TP63: variants seen among roughly 807,000 people sequenced by gnomAD.
The protein encoded by TP63 is tumor protein 63.
A neutral mutation model predicts 82.8 loss-of-function variants in TP63; 17 were observed. The ratio of observed to expected loss-of-function variants is 0.21; its 90% CI spans 0.14 to 0.31. The LOEUF (loss-of-function observed/expected upper bound fraction) is 0.31. Among genes scored for constraint, TP63 ranks in the 10% least tolerant of loss-of-function variants. The pLI is 1.00. For synonymous variants in TP63, 330 were observed against 321.7 expected, an observed-to-expected ratio of 1.03 and a Z score of -0.28; for missense variants, 648 against 895.3, an observed-to-expected ratio of 0.72 and a Z score of 3.52.
chr3:189,893,466 G>GT (rs1721223024), intron 13 of TP63, among the ~76,000 whole-genome samples: 1 of 152,236 alleles, frequency 6.6e-6, no homozygotes, highest in Non-Finnish European at 1.5e-5. Context: ...GCAGATAAAT[G>GT]TAAGTGATAT....
intron 4 of TP63, chr3:189,829,958 T>G: frequency 2.9e-6 from 1 of 349,266 alleles, no homozygotes; most frequent in Non-Finnish European, 5.9e-6. Context: ...CAATATTTTC[T>G]TAAATTGTAT....
chr3:189,878,657 G>T lies in TP63; in HGVS notation c.1349+5662G>T, dbSNP rs187905104. Among the ~76,000 whole-genome samples, 451 of 150,152 alleles carry T rather than the reference G, an allele frequency of 3.0e-3. 5 individuals are homozygous for T. Among genetic ancestry groups the T allele is most frequent in the African/African-American group, 0.01 (424 of 40,774 alleles). On this transcript the variant is annotated intron_variant, in intron 10 of 13. Transcript: ENST00000264731. ...TTGGCCAGGCTGGTCTCAAACCCCTGACGTTGTGATCCCCCCGACCTTGGC... is the reference window on the plus strand; with the variant it reads ...TTGGCCAGGCTGGTCTCAAACCCCTTACGTTGTGATCCCCCCGACCTTGGC...
chr3:189,633,837 G>A lies in TP63; in HGVS notation c.62+2260G>A, dbSNP rs77824626. 2.7e-3 allele frequency among the ~76,000 whole-genome samples: 410 copies of A among 152,222 alleles called. 3 individuals are homozygous for A. Among genetic ancestry groups the A allele is most frequent in the African/African-American group, 9.6e-3 (400 of 41,556 alleles). ...CTTACTCAGCATCTGCTCTGCGGAAGACATTGCAAATACAAAAACCAATTA... is the reference window on the plus strand; with the variant it reads ...CTTACTCAGCATCTGCTCTGCGGAAAACATTGCAAATACAAAAACCAATTA... On this transcript the variant is annotated intron_variant, in intron 1 of 13. Transcript: ENST00000264731.
chr3:189,751,481 G>A (rs1378189280), intron 3 of TP63, among the ~76,000 whole-genome samples: 1 of 152,178 alleles, frequency 6.6e-6, no homozygotes, highest in African/African-American at 2.4e-5. Flanking sequence ...TCCAGCATCT[G>A]TTGTTTCCTG....
intron 3 of TP63, among the ~76,000 whole-genome samples, chr3:189,786,366 C>T (rs1724599586): frequency 1.3e-5 from 2 of 151,446 alleles, no homozygotes; most frequent in Non-Finnish European, 2.9e-5. Flanking sequence ...GATAAGTTGA[C>T]TATGGAAAAA....
intron 3 of TP63, among the ~76,000 whole-genome samples, chr3:189,752,795 A>G (rs1721919228): frequency 6.6e-6 from 1 of 152,026 alleles, no homozygotes; most frequent in Non-Finnish European, 1.5e-5. Context: ...CATTGCTATA[A>G]GTTTTCTATT....
intron 1 of TP63, among the ~76,000 whole-genome samples, chr3:189,736,979 T>C (rs773465446): frequency 1.4e-4 from 22 of 152,118 alleles, no homozygotes; most frequent in Admixed American, 3.9e-4. Context: ...AGCTGATGTT[T>C]TCCTCCAAAT....
intron 10 of TP63, among the ~76,000 whole-genome samples, chr3:189,873,869 T>C (rs1295104150): frequency 1.3e-5 from 2 of 152,218 alleles, no homozygotes; most frequent in Non-Finnish European, 1.5e-5. Context: ...TGTAGATAAG[T>C]GTAAAATATA....
chr3:189,781,962 C>T (rs545720641), intron 3 of TP63, among the ~76,000 whole-genome samples: 4 of 151,878 alleles, frequency 2.6e-5, no homozygotes, highest in South Asian at 2.1e-4. Flanking sequence ...TATAGGATGC[C>T]GAATATATAA....
chr3:189,666,875 A>C (rs1714432211), intron 1 of TP63, among the ~76,000 whole-genome samples: 1 of 145,324 alleles, frequency 6.9e-6, no homozygotes, highest in East Asian at 2.0e-4. Context: ...ATGGGTTTAC[A>C]TGCATTTACA....
At chr3:189,687,612 G>T (rs969551419) in intron 1 of TP63, among the ~76,000 whole-genome samples, 1 of 152,144 alleles carries the variant, frequency 6.6e-6, no homozygotes, top group Non-Finnish European at 1.5e-5. Context: ...GAATTATCTA[G>T]GTTACTTAAA....
chr3:189,864,156 T>G, intron 4 of TP63, 76 bp from the exon 5 acceptor site: 1 of 1,593,190 alleles, frequency 6.3e-7, no homozygotes, highest in Non-Finnish European at 8.6e-7. Flanking sequence ...AGATTTTCAT[T>G]GTTCTGATTT....
chr3:189,719,284 C>A (rs6783042), intron 1 of TP63, among the ~76,000 whole-genome samples: 5 of 152,052 alleles, frequency 3.3e-5, no homozygotes, highest in Admixed American at 1.3e-4. Context: ...GAATCGGTAG[C>A]CTTTTTTGAA....
intron 1 of TP63, among the ~76,000 whole-genome samples, chr3:189,687,906 C>T (rs142379851): frequency 1.3e-5 from 2 of 152,100 alleles, no homozygotes. Flanking sequence ...AGTTGGAGAT[C>T]CTTTGGAAGG....
chr3:189,869,769 A>G (rs997658875), intron 9 of TP63, among the ~76,000 whole-genome samples: 7 of 150,448 alleles, frequency 4.7e-5, no homozygotes, highest in Non-Finnish European at 1.5e-5. Flanking sequence ...CTCCACTCTC[A>G]TTACCTAAAT....
the TP63 span, among the ~76,000 whole-genome samples, chr3:189,624,512 A>G: frequency 6.6e-6 from 1 of 152,182 alleles, no homozygotes; most frequent in Non-Finnish European, 1.5e-5. Context: ...AATATAATAT[A>G]TAACAGCCTT....
intron 4 of TP63, among the ~76,000 whole-genome samples, chr3:189,810,514 A>G (rs1398497512): frequency 6.6e-6 from 1 of 152,124 alleles, no homozygotes; most frequent in East Asian, 1.9e-4. Context: ...TGTAAGTTCA[A>G]CATCAAATTA....
intron 10 of TP63, among the ~76,000 whole-genome samples, chr3:189,875,615 T>TACAC (rs1553859723): frequency 3.6e-5 from 4 of 110,410 alleles, no homozygotes; most frequent in African/African-American, 1.2e-4. Flanking sequence ...TATATATATA[T>TACAC]ATATATATAT....
At chr3:189,882,241 T>C (rs541782122) in intron 10 of TP63, among the ~76,000 whole-genome samples, 2 of 152,206 alleles carry the variant, frequency 1.3e-5, no homozygotes, top group South Asian at 4.1e-4. Context: ...TCTTTCAGCC[T>C]TTTTTAAGTA....
Sources: gnomAD v4.1 joint callset for allele counts (sites outside exome capture counted in the v4.1 genomes callset) on GRCh38, gnomAD v4.1.1 for gene constraint, MANE v1.5 for transcripts, NCBI Gene and HGNC (gene_info 2026-07-23, HGNC 2026-07-21) for gene names.